Variants in DRC2 observed in about 807,000 individuals in gnomAD.
The protein encoded by DRC2 is coiled-coil domain containing 65.
At chr12:48,906,794 G>A in the DRC2 span, among the ~76,000 whole-genome samples, 1 of 151,474 alleles carries the variant, frequency 6.6e-6, no homozygotes, top group Non-Finnish European at 1.5e-5. Context: ...TGGAACTCCT[G>A]ACCTTAGGTG....
the DRC2 span, chr12:48,904,926 A>G: frequency 2.6e-6 from 4 of 1,560,450 alleles, no homozygotes; most frequent in Non-Finnish European, 3.5e-6. Context: ...TCCTGGAGGT[A>G]TATTTATTCC....
At chr12:48,914,538 G>A in the DRC2 span, 1 of 1,614,178 alleles carries the variant, frequency 6.2e-7, no homozygotes, top group Non-Finnish European at 8.5e-7. Flanking sequence ...ACAACATGGA[G>A]CTGGAAGCCC....
At chr12:48,920,801 A>G in the DRC2 span, 19 of 716,088 alleles carry the variant, frequency 2.7e-5, no homozygotes, top group South Asian at 4.0e-5. Context: ...TCCATTTGCT[A>G]TATGTATTTA....
chr12:48,910,862 T>C, the DRC2 span, among the ~76,000 whole-genome samples: 1 of 152,038 alleles, frequency 6.6e-6, no homozygotes, highest in Non-Finnish European at 1.5e-5. Flanking sequence ...CTGGGCAACA[T>C]GGTAAAACCC....
At chr12:48,920,422 CAA>C in the DRC2 span, among the ~76,000 whole-genome samples, 2 of 66,260 alleles carry the variant, frequency 3.0e-5, no homozygotes, top group Non-Finnish European at 5.4e-5. Flanking sequence ...GCCTGGGCAA[CAA>C]GAGCGAAACT....
the DRC2 span, among the ~76,000 whole-genome samples, chr12:48,916,319 T>C: frequency 1.3e-5 from 2 of 152,216 alleles, no homozygotes; most frequent in Admixed American, 1.3e-4. Flanking sequence ...CATTGAGCAC[T>C]GAGTGAACCA....
At chr12:48,916,900 G>A in the DRC2 span, 39 of 1,469,302 alleles carry the variant, frequency 2.7e-5, no homozygotes, top group Non-Finnish European at 3.1e-5. Flanking sequence ...ATTACATACT[G>A]CTTTGAATTG....
the DRC2 span, among the ~76,000 whole-genome samples, chr12:48,905,707 C>T: frequency 6.6e-6 from 1 of 152,120 alleles, no homozygotes; most frequent in African/African-American, 2.4e-5. Flanking sequence ...TTCTGTACCC[C>T]TTCTTTTGTC....
At chr12:48,917,287 C>T in the DRC2 span, among the ~76,000 whole-genome samples, 1 of 110,932 alleles carries the variant, frequency 9.0e-6, no homozygotes, top group Admixed American at 1.0e-4. Flanking sequence ...CCCCCCATCT[C>T]TACCGGCCCC....
At chr12:48,910,692 T>C in the DRC2 span, among the ~76,000 whole-genome samples, 1 of 152,354 alleles carries the variant, frequency 6.6e-6, no homozygotes, top group Middle Eastern at 3.4e-3. Context: ...ACTTTTTTCT[T>C]TTTTTACATA....
chr12:48,920,978 G>A, the DRC2 span: 61 of 1,613,366 alleles, frequency 3.8e-5, no homozygotes, highest in Non-Finnish European at 4.7e-5. Flanking sequence ...ATTTGAAACC[G>A]AAGAAGAAAA....
the DRC2 span, chr12:48,921,027 A>G: frequency 6.2e-7 from 1 of 1,613,364 alleles, no homozygotes; most frequent in Non-Finnish European, 8.5e-7. Flanking sequence ...ACTCCTAAGG[A>G]GCAGGAGGGG....
the DRC2 span, chr12:48,916,892 T>C: frequency 2.1e-6 from 3 of 1,409,352 alleles, no homozygotes; most frequent in East Asian, 4.6e-5. Context: ...TCACATAGAT[T>C]ACATACTGCT....
the DRC2 span, chr12:48,921,370 A>C: frequency 6.2e-7 from 1 of 1,614,080 alleles, no homozygotes; most frequent in African/African-American, 1.3e-5. Flanking sequence ...ATAGTCAACT[A>C]TCAAAGCAAC....
chr12:48,904,796 C>A, the DRC2 span: 1 of 653,500 alleles, frequency 1.5e-6, no homozygotes, highest in Non-Finnish European at 2.5e-6. Flanking sequence ...TGCTCCCACC[C>A]TGAAGGAAAT....
the DRC2 span, chr12:48,921,013 A>G: frequency 6.2e-7 from 1 of 1,614,010 alleles, no homozygotes; most frequent in African/African-American, 1.3e-5. Flanking sequence ...ATTCATCAGT[A>G]TTGACTCCTA....
the DRC2 span, chr12:48,914,706 A>C: frequency 2.5e-6 from 2 of 793,590 alleles, no homozygotes; most frequent in South Asian, 4.3e-5. Context: ...CCCCCAGCAG[A>C]GAATATCTTG....
chr12:48,918,990 C>T, the DRC2 span: 1 of 948,150 alleles, frequency 1.1e-6, no homozygotes, highest in African/African-American at 1.6e-5. Flanking sequence ...ATAGCGGGGG[C>T]TTCTTCCTGC....
chr12:48,905,594 G>A, the DRC2 span, among the ~76,000 whole-genome samples: 1 of 152,170 alleles, frequency 6.6e-6, no homozygotes, highest in South Asian at 2.1e-4. Flanking sequence ...ATCTCCATGG[G>A]TAAGAGCAGT....
Sources: gnomAD v4.1 joint callset for allele counts (sites outside exome capture counted in the v4.1 genomes callset) on GRCh38, gnomAD v4.1.1 for gene constraint, MANE v1.5 for transcripts, NCBI Gene and HGNC (gene_info 2026-07-23, HGNC 2026-07-21) for gene names.